Variants in DPP10 observed in about 807,000 individuals in gnomAD.
DPP10 encodes dipeptidyl peptidase like 10.
In DPP10, 33 loss-of-function variants were observed where a neutral mutation model predicts 120.9. The ratio of observed to expected loss-of-function variants is 0.27; its 90% CI spans 0.21 to 0.37. The LOEUF (loss-of-function observed/expected upper bound fraction) is 0.37. Among genes scored for constraint, DPP10 ranks in the 10% least tolerant of loss-of-function variants. The pLI, the probability that DPP10 is intolerant of heterozygous loss-of-function variation, is 1.00. For synonymous variants in DPP10, 337 were observed against 326.1 expected, an observed-to-expected ratio of 1.03 and a Z score of -0.36; for missense variants, 816 against 942.8, an observed-to-expected ratio of 0.87 and a Z score of 1.76.
intron 5 of DPP10, among the ~76,000 whole-genome samples, chr2:115,608,405 T>C (rs1003970552): frequency 1.7e-5 from 2 of 119,102 alleles, no homozygotes; most frequent in Non-Finnish European, 3.4e-5. Context: ...ACAACAATAA[T>C]AACAATAACA....
chr2:115,511,236 G>A (rs1024834012), intron 4 of DPP10, among the ~76,000 whole-genome samples: 1 of 152,028 alleles, frequency 6.6e-6, no homozygotes, highest in African/African-American at 2.4e-5. Context: ...TTCACAGGAA[G>A]TTTTAAATTT....
intron 5 of DPP10, among the ~76,000 whole-genome samples, chr2:115,635,332 C>CT (rs2086239582): frequency 1.3e-5 from 2 of 152,110 alleles, no homozygotes; most frequent in South Asian, 4.1e-4. Context: ...GTGGCGTGGG[C>CT]TGACAAGGGG....
At chr2:115,537,055 A>G (rs1025415031) in intron 5 of DPP10, among the ~76,000 whole-genome samples, 1 of 152,078 alleles carries the variant, frequency 6.6e-6, no homozygotes, top group Non-Finnish European at 1.5e-5. Context: ...ATTTGTATCT[A>G]TTCACAGGTA....
chr2:115,236,487 C>G (rs576881906), intron 1 of DPP10, among the ~76,000 whole-genome samples: 1 of 152,278 alleles, frequency 6.6e-6, no homozygotes, highest in East Asian at 1.9e-4. Flanking sequence ...TAGTAATGAA[C>G]TCCTTAAACA....
intron 1 of DPP10, among the ~76,000 whole-genome samples, chr2:114,998,493 A>G (rs1701239420): frequency 6.6e-6 from 1 of 152,200 alleles, no homozygotes; most frequent in Non-Finnish European, 1.5e-5. Context: ...TTATAAGGAT[A>G]CAGTCATAGT....
chr2:115,526,492 A>G (rs1260639197), intron 5 of DPP10: 1 of 152,326 alleles, frequency 6.6e-6, no homozygotes, highest in Admixed American at 6.5e-5. Context: ...CTGAACAAAT[A>G]AAATGTTCTA....
chr2:115,556,915 A>G (rs779983538), intron 5 of DPP10, among the ~76,000 whole-genome samples: 1 of 152,124 alleles, frequency 6.6e-6, no homozygotes, highest in Admixed American at 6.6e-5. Flanking sequence ...TTTTATGCCA[A>G]ATTAGGTGAG....
At chr2:114,567,538 G>A (rs1689296571) in intron 1 of DPP10, among the ~76,000 whole-genome samples, 1 of 152,190 alleles carries the variant, frequency 6.6e-6, no homozygotes, top group Non-Finnish European at 1.5e-5. Context: ...GCATCTAGAA[G>A]CTGGAAAAGG....
chr2:115,335,759 A>G (rs1289959991), intron 2 of DPP10, among the ~76,000 whole-genome samples: 6 of 152,032 alleles, frequency 3.9e-5, no homozygotes. Context: ...AATAATATTT[A>G]AAATGGAAAT....
intron 1 of DPP10, among the ~76,000 whole-genome samples, chr2:114,768,001 G>A (rs1409742353): frequency 6.6e-6 from 1 of 151,942 alleles, no homozygotes; most frequent in African/African-American, 2.4e-5. Context: ...GGTGGTGGGT[G>A]CCTGTAATCC....
chr2:115,034,622 ATATT>A (rs1219720251), intron 1 of DPP10, among the ~76,000 whole-genome samples: 2 of 152,224 alleles, frequency 1.3e-5, no homozygotes, highest in East Asian at 3.8e-4. Flanking sequence ...GTTAGTTAAA[ATATT>A]TAAAGTGTTT....
intron 5 of DPP10, among the ~76,000 whole-genome samples, chr2:115,642,622 T>C (rs1182319701): frequency 6.6e-6 from 1 of 152,070 alleles, no homozygotes; most frequent in Non-Finnish European, 1.5e-5. Flanking sequence ...CCTTTCTCTT[T>C]CAATCTCTCT....
chr2:115,489,635 G>A (rs1419668134), intron 3 of DPP10, among the ~76,000 whole-genome samples: 1 of 148,434 alleles, frequency 6.7e-6, no homozygotes, highest in African/African-American at 2.5e-5. Context: ...TTTAAATTAA[G>A]CTGGTACAAT....
intron 3 of DPP10, among the ~76,000 whole-genome samples, chr2:115,447,313 T>C (rs1212697356): frequency 6.6e-6 from 1 of 152,224 alleles, no homozygotes; most frequent in African/African-American, 2.4e-5. Flanking sequence ...TTTTTGATTT[T>C]ACATGCTCAT....
In DPP10 at chr2:115,609,156, C is replaced by T. The variant is rs534716931; in HGVS notation, c.442-80531C>T. 2.0e-5 allele frequency among the ~76,000 whole-genome samples: 3 copies of T among 152,172 alleles called. No individual in the cohort carries two copies. The East Asian group carries it at 5.8e-4, about 29-fold the overall frequency. On this transcript the variant is annotated intron_variant, in intron 5 of 25. Transcript: ENST00000410059. ...AGGATGGAATCTCAGAAAGGGTCTT[C>T]ATAATGGCAGTATTAGACATTAGAA...
At chr2:115,372,228 A>G (rs1003174938) in intron 3 of DPP10, among the ~76,000 whole-genome samples, 6 of 152,208 alleles carry the variant, frequency 3.9e-5, no homozygotes, top group Non-Finnish European at 7.3e-5. Context: ...AACTTTAAAA[A>G]TACTTCATAA....
At chr2:114,694,641 T>A (rs1699965031) in intron 1 of DPP10, among the ~76,000 whole-genome samples, 1 of 152,008 alleles carries the variant, frequency 6.6e-6, no homozygotes, top group African/African-American at 2.4e-5. Context: ...GAATAAAACG[T>A]AATATTTGTC....
chr2:115,106,752 C>CTGGGATT (rs1265608626), intron 1 of DPP10, among the ~76,000 whole-genome samples: 2 of 152,148 alleles, frequency 1.3e-5, no homozygotes, highest in African/African-American at 4.8e-5. Flanking sequence ...TGAGCCACTG[C>CTGGGATT]ACCCAGCCTG....
intron 1 of DPP10, among the ~76,000 whole-genome samples, chr2:114,986,265 C>G (rs1304840744): frequency 6.6e-6 from 1 of 152,126 alleles, no homozygotes; most frequent in Admixed American, 6.5e-5. Context: ...TAAAAGCATA[C>G]AGATGTGAGA....
Sources: gnomAD v4.1 joint callset for allele counts (sites outside exome capture counted in the v4.1 genomes callset) on GRCh38, gnomAD v4.1.1 for gene constraint, MANE v1.5 for transcripts, NCBI Gene and HGNC (gene_info 2026-07-23, HGNC 2026-07-21) for gene names.